Variants in MTAP observed in about 807,000 individuals in gnomAD.
MTAP encodes the protein methylthioadenosine phosphorylase, also known as S-methyl-5'-thioadenosine phosphorylase.
Under a neutral mutation model 33.6 loss-of-function variants are expected in MTAP, and 33 were observed. That is an observed-to-expected ratio of 0.98 (90% CI 0.74 to 1.31). MTAP has a LOEUF of 1.31. Among genes scored for constraint, MTAP ranks in the 40% most tolerant of loss-of-function variants. The pLI is 0.00. For missense variants in MTAP, 367 were observed against 360.0 expected, an observed-to-expected ratio of 1.02 and a Z score of -0.16; for synonymous variants, 148 against 125.7, an observed-to-expected ratio of 1.18 and a Z score of -1.19.
At chr9:21,924,456 T>C (rs1695713420) in intron 1 of MTAP, among the ~76,000 whole-genome samples, 1 of 152,202 alleles carries the variant, frequency 6.6e-6, no homozygotes, top group South Asian at 2.1e-4. Context: ...TTTAATATGC[T>C]CTATCAGCTA....
intron 4 of MTAP, among the ~76,000 whole-genome samples, chr9:21,822,108 G>GT (rs1033258908): frequency 4.4e-4 from 67 of 152,104 alleles, no homozygotes; most frequent in African/African-American, 1.4e-3. Context: ...TTTTTGATGG[G>GT]TTTTTTGTGT....
rs373274501 is a variant in MTAP at position 21,859,400 on chromosome 9, G to T, written c.788G>T (p.Trp263Leu). The change falls in exon 7 of 8, where the codon TGG becomes TTG. Residue 263 changes from tryptophan to leucine, a missense_variant. Transcript: ENST00000644715. ...ATACCTCAGATAGGGTCCACAGAAT[G>T]GTCAGAAACCCTCCATAACCTGAAG... The part of the protein sequence containing the change: ...TTIPQIGSTE[W>L]SETLHNLKNM... The T allele has an allele frequency of 6.0e-5, 97 of 1,612,544 alleles. No individual in the cohort carries two copies. The highest frequency in any genetic ancestry group is 7.7e-5 in the Non-Finnish European group (91 of 1,179,446).
At chr9:21,851,465 A>G (rs1205693308) in intron 5 of MTAP, among the ~76,000 whole-genome samples, 3 of 152,228 alleles carry the variant, frequency 2.0e-5, no homozygotes, top group Admixed American at 6.5e-5. Flanking sequence ...AAGTATTGCT[A>G]ACTTTATGTA....
intron 1 of MTAP, among the ~76,000 whole-genome samples, chr9:21,911,315 A>G (rs1225649619): frequency 2.6e-5 from 4 of 152,186 alleles, no homozygotes; most frequent in Admixed American, 2.0e-4. Flanking sequence ...CCCCAAATCA[A>G]CAGAATATAC....
chr9:21,879,858 G>GC (rs1563857688), intron 1 of MTAP, among the ~76,000 whole-genome samples: 10 of 152,138 alleles, frequency 6.6e-5, no homozygotes, highest in African/African-American at 2.4e-4. Flanking sequence ...TTGAATATAG[G>GC]CCCCCAATCC....
chr9:21,925,440 A>G (rs1043469675), intron 1 of MTAP, among the ~76,000 whole-genome samples: 2 of 152,212 alleles, frequency 1.3e-5, no homozygotes, highest in South Asian at 2.1e-4. Flanking sequence ...AACCAGGACT[A>G]GGAGAAAGAG....
chr9:21,822,580 G>C (rs1824673747), intron 4 of MTAP, among the ~76,000 whole-genome samples: 1 of 152,200 alleles, frequency 6.6e-6, no homozygotes, highest in African/African-American at 2.4e-5. Context: ...TAAGTGTGAT[G>C]TGGTGCCGAG....
At chr9:21,937,314 G>C (rs2131057936) in exon 8 of MTAP, 1 of 152,072 alleles carries the variant, frequency 6.6e-6, no homozygotes, top group South Asian at 2.1e-4. Context: ...ACTCCAGCCT[G>C]GCGACACAGT....
intron 5 of MTAP, among the ~76,000 whole-genome samples, chr9:21,845,221 A>T (rs933311377): frequency 6.6e-6 from 1 of 152,200 alleles, no homozygotes; most frequent in African/African-American, 2.4e-5. Flanking sequence ...GTAAAAAATC[A>T]GTAAAGAGGA....
At chr9:21,818,326 T>G in intron 4 of MTAP, 124 bp downstream of exon 4, 1 of 779,792 alleles carries the variant, frequency 1.3e-6, no homozygotes. Flanking sequence ...GCTTTTTTTT[T>G]TTTTTTTTTT....
intron 5 of MTAP, among the ~76,000 whole-genome samples, chr9:21,840,408 G>A (rs578159329): frequency 1.3e-5 from 2 of 152,236 alleles, no homozygotes; most frequent in South Asian, 4.2e-4. Context: ...TGCAAAACAG[G>A]CAAGAAACTG....
chr9:21,874,437 A>G (rs559433138), intron 1 of MTAP, among the ~76,000 whole-genome samples: 1 of 152,196 alleles, frequency 6.6e-6, no homozygotes, highest in Non-Finnish European at 1.5e-5. Context: ...AAGTCTATAC[A>G]TTGCAATTGG....
At chr9:21,935,981 T>C (rs2131055984), downstream of MTAP, 2 of 152,328 alleles carry the variant, frequency 1.3e-5, no homozygotes, top group South Asian at 4.1e-4. Flanking sequence ...TATAATCAAT[T>C]TGAGAATAAA....
intron 1 of MTAP, chr9:21,813,856 G>A (rs1036233564): frequency 6.6e-6 from 1 of 152,198 alleles, no homozygotes; most frequent in African/African-American, 2.4e-5. Flanking sequence ...GGAGAAGCCA[G>A]GCTAAGGAAG....
Position 21,865,960 on chromosome 9 carries a change from A to G in MTAP, c.*3946A>G, listed in dbSNP as rs10965168. ...GAGGAATTTTATGAATAAAGCTGCTATAAGCATGAAATTACAAGTCTTTTT... is the reference window on the plus strand; with the variant it reads ...GAGGAATTTTATGAATAAAGCTGCTGTAAGCATGAAATTACAAGTCTTTTT... On this transcript the variant is annotated 3_prime_UTR_variant, in exon 8 of 8. Transcript: ENST00000644715. 4.4e-6 allele frequency: 1 copy of G among 229,430 alleles called. No individual in the cohort carries two copies. The highest frequency in any genetic ancestry group is 7.2e-6 in the Non-Finnish European group (1 of 138,348). The allele number at this position is 229,430 out of a possible 1,614,324, so 14.2% of individuals were successfully genotyped here.
intron 5 of MTAP, among the ~76,000 whole-genome samples, chr9:21,853,000 A>G (rs1825554231): frequency 6.6e-6 from 1 of 152,180 alleles, no homozygotes; most frequent in Non-Finnish European, 1.5e-5. Flanking sequence ...TCAGACCTGG[A>G]CCTTGACCCT....
intron 1 of MTAP, among the ~76,000 whole-genome samples, chr9:21,886,121 C>CTT (rs201926662): frequency 2.1e-5 from 3 of 141,840 alleles, no homozygotes; most frequent in African/African-American, 7.7e-5. Flanking sequence ...AGGCCAACAT[C>CTT]TTTTTTTTTT....
intron 4 of MTAP, among the ~76,000 whole-genome samples, chr9:21,825,774 A>G (rs1391747162): frequency 6.6e-6 from 1 of 152,190 alleles, no homozygotes; most frequent in African/African-American, 2.4e-5. Flanking sequence ...CTGGGAGGTC[A>G]AGGCTAGAAT....
chr9:21,830,180 C>A (rs1211113610), intron 4 of MTAP, among the ~76,000 whole-genome samples: 1 of 152,166 alleles, frequency 6.6e-6, no homozygotes, highest in Non-Finnish European at 1.5e-5. Flanking sequence ...ATATCTTGGT[C>A]TAGAACTTAA....
Sources: gnomAD v4.1 joint callset for allele counts (sites outside exome capture counted in the v4.1 genomes callset) on GRCh38, gnomAD v4.1.1 for gene constraint, MANE v1.5 for transcripts, NCBI Gene and HGNC (gene_info 2026-07-23, HGNC 2026-07-21) for gene names.